EML6: variants seen among roughly 807,000 people sequenced by gnomAD.
The protein encoded by EML6 is echinoderm microtubule-associated protein-like 6.
EML6 carries 154 observed loss-of-function variants against 240.1 expected under a neutral mutation model. The ratio of observed to expected loss-of-function variants is 0.64; its 90% confidence interval spans 0.56 to 0.73. The LOEUF (loss-of-function observed/expected upper bound fraction) is 0.73. Among genes scored for constraint, EML6 ranks in the 30% least tolerant of loss-of-function variants. EML6 has a pLI of 0.00. For synonymous variants in EML6, 1,148 were observed against 899.0 expected, an observed-to-expected ratio of 1.28 and a Z score of -4.95; for missense variants, 2,964 against 2,474.6, an observed-to-expected ratio of 1.20 and a Z score of -4.20.
At chr2:54,922,491 T>G (rs1471742170) in intron 26 of EML6, among the ~76,000 whole-genome samples, 2 of 152,154 alleles carry the variant, frequency 1.3e-5, no homozygotes, top group Non-Finnish European at 2.9e-5. Context: ...ATATGGAGGT[T>G]CCTCAAAAAA....
In EML6 at chr2:54,916,931, T is replaced by C. The variant is rs1235589990; in HGVS notation, c.3671T>C (p.Val1224Ala). 18 of 1,536,906 alleles carry C rather than the reference T, an allele frequency of 1.2e-5. No individual in the cohort carries two copies. Among genetic ancestry groups the C allele is most frequent in the Non-Finnish European group, 1.5e-5 (17 of 1,134,340 alleles). ...TTCGTTAAGCTTTTTTCATATCCTG[T>C]CAAGGTAATATTGCGTGTTTATTAT... Reference protein sequence around the residue: ...FGFVKLFSYPVKGQHARFKKY... With the variant: ...FGFVKLFSYPAKGQHARFKKY... The change falls in exon 26 of 42, where the codon GTC (valine) becomes GCC (alanine). Residue 1224 changes from valine to alanine, a missense_variant. Physicochemically the swap from Val to Ala is moderately conservative, Grantham distance 64 (BLOSUM62 0). Transcript: ENST00000356458.
Position 54,813,552 on chromosome 2 carries a change from G to A in EML6, c.357+161G>A, listed in dbSNP as rs151093471. Among the ~76,000 whole-genome samples, 214 of 152,210 alleles carry A rather than the reference G, an allele frequency of 1.4e-3. 1 individual carries two copies. Among genetic ancestry groups the A allele is most frequent in the African/African-American group, 4.4e-3 (184 of 41,528 alleles). ...CTGTTTTTTCCCCTTTAAAGCTATG[G>A]CACTAACACCAAACTCTGGACAGGC... On this transcript the variant is annotated intron_variant, in intron 3 of 41. Coordinates refer to ENST00000356458, the MANE Select transcript of EML6 (RefSeq NM_001039753.4).
chr2:54,969,142 T>C (rs187405398), intron 41 of EML6, among the ~76,000 whole-genome samples: 2 of 152,344 alleles, frequency 1.3e-5, no homozygotes, highest in Admixed American at 1.3e-4. Flanking sequence ...AATTCATCTA[T>C]ATGTCCTTTT....
chr2:54,812,099 A>T (rs2567976), intron 2 of EML6, among the ~76,000 whole-genome samples: 24,048 of 152,162 alleles, frequency 0.16, 2,279 homozygotes, highest in Non-Finnish European at 0.21. Flanking sequence ...TACACAAAAG[A>T]CAAAATTTGT....
chr2:54,813,301 A>G lies in EML6; in HGVS notation c.267A>G (p.Ile89Met). The G allele has an allele frequency of 2.6e-6, 4 of 1,550,138 alleles. No homozygotes were observed. The highest frequency in any genetic ancestry group is 1.2e-5 in the South Asian group (1 of 84,008). ...GQVGKEPYIC[I>M]WDSYNVQTVS... ...TCGGGAAGGAGCCATATATATGCATATGGGATTCCTATAATGTCCAGACTG... is the reference window on the plus strand; with the variant it reads ...TCGGGAAGGAGCCATATATATGCATGTGGGATTCCTATAATGTCCAGACTG... Residue 89 changes from isoleucine (I) to methionine (M), a missense_variant, in exon 3 of 42, where the codon ATA becomes ATG. Transcript: ENST00000356458.
Position 54,910,943 on chromosome 2 carries a change from T to C in EML6, c.3410-11T>C, listed in dbSNP as rs955540911. On this transcript the variant is annotated splice_polypyrimidine_tract_variant and intron_variant, in intron 24 of 41. Transcript: ENST00000356458. The stretch of plus-strand genomic sequence containing the variant: ...TTTTAATTATCTCTCTACTTCGTTC[T>C]GTCGTAACAGGAAAATTATTGCAAG... 6.8e-7 allele frequency: 1 copy of C among 1,475,706 alleles called. No homozygotes were observed. Among genetic ancestry groups the C allele is most frequent in the Admixed American group, 2.0e-5 (1 of 50,390 alleles). 91.4% of individuals were successfully genotyped at this position (1,475,706 alleles called of 1,614,324 possible). A position where few individuals can be genotyped will look rare whatever the true frequency, so the allele number is the denominator to read the frequency against.
At chr2:54,823,444 G>C (rs992611499) in intron 5 of EML6, among the ~76,000 whole-genome samples, 1 of 115,576 alleles carries the variant, frequency 8.7e-6, no homozygotes, top group Non-Finnish European at 1.8e-5. Context: ...CATCACCAAA[G>C]AACCTATTCC....
intron 16 of EML6, among the ~76,000 whole-genome samples, chr2:54,874,654 A>G (rs1330529591): frequency 2.0e-5 from 3 of 152,166 alleles, no homozygotes; most frequent in African/African-American, 7.2e-5. Flanking sequence ...ACTTTGACTG[A>G]TACGTGATTC....
intron 24 of EML6, among the ~76,000 whole-genome samples, chr2:54,910,318 A>C (rs1175190690): frequency 2.6e-5 from 4 of 152,386 alleles, no homozygotes; most frequent in Non-Finnish European, 4.4e-5. Flanking sequence ...GAATTAGGAA[A>C]TCTAACCTTT....
chr2:54,851,332 G>C (rs980793860), intron 10 of EML6, among the ~76,000 whole-genome samples: 8 of 152,180 alleles, frequency 5.3e-5, no homozygotes, highest in Non-Finnish European at 1.2e-4. Flanking sequence ...AGAATTGCTT[G>C]AACCCAGGAG....
At chr2:54,943,195 T>C (rs969248111) in intron 28 of EML6, among the ~76,000 whole-genome samples, 9 of 152,160 alleles carry the variant, frequency 5.9e-5, no homozygotes, top group Non-Finnish European at 1.5e-5. Flanking sequence ...TGCTTCTTTC[T>C]CTCTCCTCCA....
chr2:54,962,527 A>T lies in EML6; in HGVS notation c.4973A>T (p.Lys1658Ile). The change falls in exon 36 of 42, where the codon AAA (lysine) becomes ATA (isoleucine). Residue 1658 changes from lysine to isoleucine, a missense_variant. Transcript: ENST00000356458. ...ATAGTGTTTCAATTACAACAGGGAA[A>T]AATCTTAGTGGGAACCAAAGACGGA... The part of the protein sequence containing the change: ...CVRSVCRGKG[K>I]ILVGTKDGEI... 1 of 1,542,808 alleles carries T rather than the reference A, an allele frequency of 6.5e-7. No individual in the cohort carries two copies. The highest frequency in any genetic ancestry group is 2.5e-5 in the East Asian group (1 of 40,684).
In EML6 at chr2:54,928,362, C is replaced by G. The variant is rs1558695525; in HGVS notation, c.3725C>G (p.Thr1242Ser). The G allele has an allele frequency of 1.3e-6, 2 of 1,551,792 alleles. No homozygotes were observed. The highest frequency in any genetic ancestry group is 1.4e-5 in the African/African-American group (1 of 72,920). The change falls in exon 27 of 42, where the codon ACT becomes AGT. Residue 1242 changes from threonine to serine, a missense_variant. Physicochemically the swap from Thr to Ser is moderately conservative, Grantham distance 58. Transcript: ENST00000356458. The part of the protein sequence containing the change: ...KKYVGHSAHV[T>S]NVRWLHNDSV... ...TATGTGGGGCACAGTGCACATGTCACTAACGTGAGGTGGCTGCACAATGAC... is the reference window on the plus strand; with the variant it reads ...TATGTGGGGCACAGTGCACATGTCAGTAACGTGAGGTGGCTGCACAATGAC...
chr2:54,927,100 A>G (rs987830255), intron 26 of EML6, among the ~76,000 whole-genome samples: 6 of 152,224 alleles, frequency 3.9e-5, no homozygotes, highest in Admixed American at 6.5e-5. Context: ...TTTTCTTGGA[A>G]ATTCTTTTGT....
chr2:54,795,458 A>C (rs1051362497), intron 2 of EML6, among the ~76,000 whole-genome samples: 1 of 152,162 alleles, frequency 6.6e-6, no homozygotes, highest in African/African-American at 2.4e-5. Flanking sequence ...ATTGGAGATG[A>C]GACTTGGGAA....
chr2:54,939,748 C>A (rs1359118775), intron 28 of EML6, among the ~76,000 whole-genome samples: 1 of 152,170 alleles, frequency 6.6e-6, no homozygotes, highest in East Asian at 1.9e-4. Flanking sequence ...GATGGTTGTC[C>A]TGGTTTAATG....
chr2:54,800,395 C>T (rs1670066427), intron 2 of EML6, among the ~76,000 whole-genome samples: 1 of 152,048 alleles, frequency 6.6e-6, no homozygotes, highest in Admixed American at 6.6e-5. Context: ...TAAACTTTAG[C>T]CACACACACG....
At chr2:54,903,600 TG>T in intron 24 of EML6, 98 bp downstream of exon 24, 1 of 1,025,570 alleles carries the variant, frequency 9.8e-7, no homozygotes, top group Non-Finnish European at 1.4e-6. Context: ...GTGTTAGAAA[TG>T]GGAAAGGGGA....
At chr2:54,885,447 C>CAA (rs774663095) in intron 17 of EML6, among the ~76,000 whole-genome samples, 2 of 142,408 alleles carry the variant, frequency 1.4e-5, no homozygotes, top group African/African-American at 5.1e-5. Flanking sequence ...AACTCTGTCT[C>CAA]AAAAAAAAAA....
Sources: allele counts gnomAD v4.1 joint callset (sites outside exome capture counted in the v4.1 genomes callset), GRCh38; gene constraint gnomAD v4.1.1; transcripts MANE v1.5; gene names NCBI Gene and HGNC (gene_info 2026-07-23, HGNC 2026-07-21).